Variants in SPOCK1 observed in about 807,000 individuals in gnomAD.
SPOCK1 encodes testican-1.
SPOCK1 carries 23 observed loss-of-function variants against 55.3 expected under a neutral mutation model. The observed-to-expected ratio is 0.42, with a 90% CI of 0.30 to 0.59. The LOEUF (loss-of-function observed/expected upper bound fraction) is 0.59. Ranked by LOEUF, SPOCK1 falls within the 20% of genes least tolerant of loss-of-function variation. The pLI is 0.22. For missense variants in SPOCK1, 499 were observed against 552.5 expected, an observed-to-expected ratio of 0.90 and a Z score of 0.97; for synonymous variants, 226 against 221.0, an observed-to-expected ratio of 1.02 and a Z score of -0.20.
intron 6 of SPOCK1, among the ~76,000 whole-genome samples, chr5:137,036,503 A>G (rs1485128544): frequency 6.6e-6 from 1 of 152,210 alleles, no homozygotes; most frequent in African/African-American, 2.4e-5. Flanking sequence ...TCTGCCCTGC[A>G]AACAGGAAGC....
intron 2 of SPOCK1, among the ~76,000 whole-genome samples, chr5:137,389,838 T>C (rs1037867439): frequency 4.6e-5 from 7 of 152,210 alleles, no homozygotes; most frequent in African/African-American, 1.7e-4. Context: ...TCAGACATGC[T>C]TGATGGCATT....
chr5:137,188,413 T>C (rs1468784405), intron 3 of SPOCK1, among the ~76,000 whole-genome samples: 3 of 152,238 alleles, frequency 2.0e-5, no homozygotes, highest in Admixed American at 6.5e-5. Flanking sequence ...TGTCACATCT[T>C]GGTAATTCTT....
At chr5:137,163,612 T>A (rs551492436) in intron 3 of SPOCK1, among the ~76,000 whole-genome samples, 1 of 152,208 alleles carries the variant, frequency 6.6e-6, no homozygotes, top group Non-Finnish European at 1.5e-5. Context: ...GAAGTAGACA[T>A]CATTATCCCA....
chr5:137,425,021 T>C (rs1752579284), intron 2 of SPOCK1, among the ~76,000 whole-genome samples: 1 of 152,280 alleles, frequency 6.6e-6, no homozygotes, highest in Non-Finnish European at 1.5e-5. Flanking sequence ...CTGTTATCAA[T>C]ACAAGCTTCC....
chr5:137,288,467 C>T (rs1757307601), intron 2 of SPOCK1, among the ~76,000 whole-genome samples: 1 of 152,198 alleles, frequency 6.6e-6, no homozygotes, highest in Admixed American at 6.5e-5. Context: ...CAGGCACAGC[C>T]AATTCTCACT....
chr5:137,352,710 A>T (rs1429470324), intron 2 of SPOCK1, among the ~76,000 whole-genome samples: 1 of 152,180 alleles, frequency 6.6e-6, no homozygotes, highest in East Asian at 1.9e-4. Context: ...GAGGCATTTA[A>T]GTCAGAAATA....
At chr5:137,421,982 G>A (rs1752509247) in intron 2 of SPOCK1, among the ~76,000 whole-genome samples, 1 of 152,182 alleles carries the variant, frequency 6.6e-6, no homozygotes, top group African/African-American at 2.4e-5. Context: ...AGCTCTTGTA[G>A]GGCAGGCCTG....
At chr5:137,326,931 C>T (rs753070267) in intron 2 of SPOCK1, among the ~76,000 whole-genome samples, 12 of 152,164 alleles carry the variant, frequency 7.9e-5, no homozygotes, top group Non-Finnish European at 1.8e-4. Context: ...ACATACTGTA[C>T]TAAACCTCAT....
chr5:137,495,540 CATAACA>C (rs1160948522), intron 2 of SPOCK1, among the ~76,000 whole-genome samples: 6 of 152,192 alleles, frequency 3.9e-5, no homozygotes, highest in Non-Finnish European at 7.4e-5. Flanking sequence ...TGACATGCAT[CATAACA>C]ATAATTGTGG....
intron 3 of SPOCK1, among the ~76,000 whole-genome samples, chr5:137,251,184 T>TG (rs1756518832): frequency 6.6e-6 from 1 of 152,218 alleles, no homozygotes; most frequent in East Asian, 1.9e-4. Flanking sequence ...GGCCACGCAC[T>TG]GCAAACCAAT....
intron 2 of SPOCK1, among the ~76,000 whole-genome samples, chr5:137,386,940 A>G (rs145009541): frequency 6.6e-6 from 1 of 152,336 alleles, no homozygotes; most frequent in Admixed American, 6.5e-5. Context: ...AAATATATAA[A>G]GAACTCTTAA....
At chr5:137,415,196 G>A (rs903028242) in intron 2 of SPOCK1, among the ~76,000 whole-genome samples, 4 of 152,212 alleles carry the variant, frequency 2.6e-5, no homozygotes, top group Middle Eastern at 3.2e-3. Context: ...CAATTAGGGA[G>A]GAAGGTGAGA....
At chr5:137,425,438 C>T (rs762051737) in intron 2 of SPOCK1, among the ~76,000 whole-genome samples, 1 of 152,084 alleles carries the variant, frequency 6.6e-6, no homozygotes, top group Non-Finnish European at 1.5e-5. Flanking sequence ...GACCTGAAAT[C>T]CTGCTGACAA....
At chr5:137,080,048 T>G (rs1280875454) in intron 5 of SPOCK1, among the ~76,000 whole-genome samples, 1 of 152,254 alleles carries the variant, frequency 6.6e-6, no homozygotes, top group Non-Finnish European at 1.5e-5. Context: ...TTCACAGTGC[T>G]GGTAGAAATG....
At chr5:137,134,631 T>C (rs1753946622) in intron 4 of SPOCK1, among the ~76,000 whole-genome samples, 1 of 152,246 alleles carries the variant, frequency 6.6e-6, no homozygotes, top group Non-Finnish European at 1.5e-5. Flanking sequence ...CCTTGACTTG[T>C]GAAGTGCCAG....
intron 3 of SPOCK1, among the ~76,000 whole-genome samples, chr5:137,183,898 C>A (rs57181879): frequency 0.12 from 18,587 of 152,234 alleles, 1,352 homozygotes; most frequent in East Asian, 0.21. Flanking sequence ...GTCACCCATC[C>A]CCCTCTATGC....
At chr5:137,138,849 A>G (rs951980147) in intron 4 of SPOCK1, among the ~76,000 whole-genome samples, 1 of 152,148 alleles carries the variant, frequency 6.6e-6, no homozygotes, top group African/African-American at 2.4e-5. Context: ...ATGTCAATGA[A>G]TGGATGAGCA....
chr5:137,045,131 T>A (rs1752085750), intron 6 of SPOCK1, among the ~76,000 whole-genome samples: 1 of 151,446 alleles, frequency 6.6e-6, no homozygotes, highest in South Asian at 2.1e-4. Flanking sequence ...TATAGCAGCA[T>A]GATTTATAAT....
intron 2 of SPOCK1, among the ~76,000 whole-genome samples, chr5:137,415,294 A>C (rs1310177342): frequency 1.3e-5 from 2 of 152,238 alleles, no homozygotes; most frequent in East Asian, 1.9e-4. Context: ...TTGTGAGCTA[A>C]ATCAGTGCTA....
Sources: allele counts gnomAD v4.1 joint callset (sites outside exome capture counted in the v4.1 genomes callset), GRCh38; gene constraint gnomAD v4.1.1; transcripts MANE v1.5; gene names NCBI Gene and HGNC (gene_info 2026-07-23, HGNC 2026-07-21).